ITGA11: variants seen among roughly 807,000 people sequenced by gnomAD.
ITGA11 encodes integrin alpha-11.
In ITGA11, 97 loss-of-function variants were observed where a neutral mutation model predicts 141.9. That is an observed-to-expected ratio of 0.68 (90% confidence interval 0.58 to 0.81). The LOEUF (loss-of-function observed/expected upper bound fraction) is 0.81, where lower values mean the gene tolerates loss of function less well. ITGA11 is among the 30% of genes least tolerant of loss of function. ITGA11 has a pLI of 0.00. For synonymous variants in ITGA11, 658 were observed against 624.6 expected, an observed-to-expected ratio of 1.05 and a Z score of -0.80; for missense variants, 1,387 against 1,559.2, an observed-to-expected ratio of 0.89 and a Z score of 1.86.
intron 18 of ITGA11, among the ~76,000 whole-genome samples, chr15:68,323,569 T>C (rs1000430156): frequency 1.3e-5 from 2 of 152,202 alleles, no homozygotes; most frequent in African/African-American, 4.8e-5. Context: ...TCTCACTTGC[T>C]GGGGGCTAGA....
chr15:68,367,518 A>G (rs1002741334), intron 3 of ITGA11, among the ~76,000 whole-genome samples: 1 of 152,072 alleles, frequency 6.6e-6, no homozygotes, highest in Non-Finnish European at 1.5e-5. Flanking sequence ...ATCACCTTCT[A>G]TGGTAGAAAT....
chr15:68,407,923 C>A (rs1896686012), intron 1 of ITGA11, among the ~76,000 whole-genome samples: 1 of 152,238 alleles, frequency 6.6e-6, no homozygotes, highest in African/African-American at 2.4e-5. Context: ...GGCCATTCAA[C>A]AGCTCAGCGG....
chr15:68,380,327 C>T (rs961730447), intron 2 of ITGA11, among the ~76,000 whole-genome samples: 4 of 152,192 alleles, frequency 2.6e-5, no homozygotes, highest in South Asian at 2.1e-4. Flanking sequence ...AAGTGACCCA[C>T]GGTGAGTCAC....
chr15:68,402,639 G>C (rs779695851), intron 2 of ITGA11, among the ~76,000 whole-genome samples: 1 of 152,134 alleles, frequency 6.6e-6, no homozygotes, highest in African/African-American at 2.4e-5. Context: ...GTCCCCAGGT[G>C]CCTGCTACCC....
At chr15:68,425,944 G>A (rs1897132752) in intron 1 of ITGA11, among the ~76,000 whole-genome samples, 1 of 151,602 alleles carries the variant, frequency 6.6e-6, no homozygotes, top group East Asian at 1.9e-4. Flanking sequence ...CACCCCACAT[G>A]CCACGTGGAA....
chr15:68,410,527 T>C (rs1896749441), intron 1 of ITGA11, among the ~76,000 whole-genome samples: 1 of 151,026 alleles, frequency 6.6e-6, no homozygotes, highest in Non-Finnish European at 1.5e-5. Flanking sequence ...CTTGCTGCTA[T>C]GGGGGAAAAA....
In ITGA11 at chr15:68,325,296, G is replaced by T; in HGVS notation, c.2212-55C>A. 1 of 1,216,158 alleles carries T rather than the reference G, an allele frequency of 8.2e-7. No individual in the cohort carries two copies. Among genetic ancestry groups the T allele is most frequent in the Non-Finnish European group, 1.2e-6 (1 of 819,058 alleles). The allele number at this position is 1,216,158 out of a possible 1,614,324, so 75.3% of individuals were successfully genotyped here. ...GGGAGGAGAGAACGTCATTTTATGA[G>T]CCAGGACCGTGGATGCTGAGATAGA... On this transcript the variant is annotated intron_variant, in intron 17 of 29. Transcript: ENST00000315757. This position sits in a 1 kb window ranked among gnomAD's most constrained non-coding sequence, Gnocchi z 5.5.
chr15:68,416,133 C>T (rs1896881620), intron 1 of ITGA11, among the ~76,000 whole-genome samples: 1 of 152,198 alleles, frequency 6.6e-6, no homozygotes, highest in South Asian at 2.1e-4. Flanking sequence ...CCCATCCCCT[C>T]AATGTCCTGT....
chr15:68,339,730 C>T (rs1894502310), intron 10 of ITGA11, 86 bp from the exon 11 acceptor site: 1 of 1,495,670 alleles, frequency 6.7e-7, no homozygotes, highest in South Asian at 1.2e-5. Flanking sequence ...ACCAGTGACG[C>T]CTCCACCAGC....
At position 68,335,891 on chromosome 15, in the gene ITGA11, C is replaced by G. The variant is rs1393130498; in HGVS notation, c.1277-46G>C. On this transcript the variant is annotated intron_variant, in intron 11 of 29. Coordinates refer to ENST00000315757, the MANE Select transcript of ITGA11 (RefSeq NM_001004439.2). The surrounding 1 kb of genome is among the most constrained non-coding windows in gnomAD (Gnocchi z 4.9). ...CTGATCTTTGGCACCGTGTCCTCAGCAGGCGTTGCTTGGCCCGGTGCATGG... is the reference window on the plus strand; with the variant it reads ...CTGATCTTTGGCACCGTGTCCTCAGGAGGCGTTGCTTGGCCCGGTGCATGG... The G allele has an allele frequency of 1.0e-5, 16 of 1,588,480 alleles. No homozygotes were observed. The highest frequency in any genetic ancestry group is 9.1e-5 in the East Asian group (4 of 43,748).
chr15:68,311,252 G>T (rs575713635), intron 25 of ITGA11, 38 bp downstream of exon 25: 17 of 1,419,406 alleles, frequency 1.2e-5, no homozygotes, highest in African/African-American at 4.3e-5. Flanking sequence ...GTCTCCTTCT[G>T]GTCCCCTCCC....
intron 2 of ITGA11, among the ~76,000 whole-genome samples, chr15:68,385,613 G>T (rs559092576): frequency 6.6e-6 from 1 of 152,176 alleles, no homozygotes; most frequent in Non-Finnish European, 1.5e-5. Context: ...ATTTAGTTTG[G>T]GTAAATATCA....
chr15:68,315,754 G>T, intron 21 of ITGA11, 27 bp from the exon 22 acceptor site: 2 of 1,577,178 alleles, frequency 1.3e-6, no homozygotes, highest in Non-Finnish European at 1.7e-6. Flanking sequence ...GCATGTCTGG[G>T]CATTGCTGGG....
At chr15:68,382,662 C>T (rs1895891857) in intron 2 of ITGA11, among the ~76,000 whole-genome samples, 1 of 152,242 alleles carries the variant, frequency 6.6e-6, no homozygotes, top group Non-Finnish European at 1.5e-5. Context: ...TCTCTTCTCT[C>T]TTGTTGGCAT....
chr15:68,418,801 C>T (rs1003415191), intron 1 of ITGA11, among the ~76,000 whole-genome samples: 1 of 151,526 alleles, frequency 6.6e-6, no homozygotes, highest in African/African-American at 2.4e-5. Context: ...TTTTGGTTTT[C>T]CAACTCCTAA....
intron 14 of ITGA11, 30 bp from the exon 15 acceptor site, chr15:68,331,141 C>T (rs766646286): frequency 6.8e-7 from 1 of 1,472,998 alleles, no homozygotes; most frequent in Non-Finnish European, 9.2e-7. Flanking sequence ...AGGGGGAGGG[C>T]ATGCACACTG....
At chr15:68,317,592 C>G (rs1159162611) in intron 20 of ITGA11, among the ~76,000 whole-genome samples, 2 of 151,220 alleles carry the variant, frequency 1.3e-5, no homozygotes. Flanking sequence ...GCGGGACACA[C>G]TCAGAGGCGG....
chr15:68,388,798 T>C (rs1225938061), intron 2 of ITGA11, among the ~76,000 whole-genome samples: 1 of 152,116 alleles, frequency 6.6e-6, no homozygotes, highest in Non-Finnish European at 1.5e-5. Context: ...GGTAGCCAAA[T>C]TGATCACCAA....
intron 24 of ITGA11, among the ~76,000 whole-genome samples, chr15:68,312,202 T>A (rs554147691): frequency 6.6e-6 from 1 of 152,348 alleles, no homozygotes; most frequent in South Asian, 2.1e-4. Flanking sequence ...AAAGGCCACA[T>A]TTCCCAGCCT....
Sources: gnomAD v4.1 joint callset for allele counts (sites outside exome capture counted in the v4.1 genomes callset) on GRCh38, gnomAD v4.1.1 for gene constraint, Gnocchi (gnomAD v3.1) non-coding constraint, MANE v1.5 for transcripts, NCBI Gene and HGNC (gene_info 2026-07-23, HGNC 2026-07-21) for gene names.